The following DPY19L3 variants were observed in gnomAD, a reference collection of about 807,000 sequenced individuals.
The protein encoded by DPY19L3 is dpy-19 like C-mannosyltransferase 3.
DPY19L3 carries 51 observed loss-of-function variants against 92.3 expected under a neutral mutation model. That is an observed-to-expected ratio of 0.55 (90% confidence interval 0.44 to 0.70). The LOEUF (loss-of-function observed/expected upper bound fraction) is 0.70. DPY19L3 is among the 30% of genes least tolerant of loss of function. DPY19L3 has a pLI of 0.00. For synonymous variants in DPY19L3, 309 were observed against 315.2 expected, an observed-to-expected ratio of 0.98 and a Z score of 0.21; for missense variants, 706 against 855.9, an observed-to-expected ratio of 0.82 and a Z score of 2.18.
At chr19:32,415,867 G>A (rs1190960501) in intron 3 of DPY19L3, among the ~76,000 whole-genome samples, 1 of 152,164 alleles carries the variant, frequency 6.6e-6, no homozygotes, top group African/African-American at 2.4e-5. Context: ...AAAGTCACAC[G>A]GGATGATGAG....
chr19:32,437,506 A>C (rs1458343745), intron 6 of DPY19L3, among the ~76,000 whole-genome samples, 167 bp downstream of exon 6: 1 of 152,116 alleles, frequency 6.6e-6, no homozygotes, highest in Non-Finnish European at 1.5e-5. Flanking sequence ...AGTTAGGGAG[A>C]AAGTGCTACT....
chr19:32,452,552 T>C (rs990725270), intron 8 of DPY19L3, among the ~76,000 whole-genome samples: 6 of 152,256 alleles, frequency 3.9e-5, no homozygotes. Flanking sequence ...CCTTGCCAAT[T>C]CCCAGGAATA....
intron 16 of DPY19L3, among the ~76,000 whole-genome samples, chr19:32,470,279 C>T (rs185217626): frequency 1.3e-5 from 2 of 152,284 alleles, no homozygotes; most frequent in Non-Finnish European, 2.9e-5. Flanking sequence ...GAGAGTTATT[C>T]GTGTAAAGGA....
intron 3 of DPY19L3, among the ~76,000 whole-genome samples, chr19:32,423,111 A>G (rs1968629395): frequency 6.6e-6 from 1 of 152,238 alleles, no homozygotes; most frequent in African/African-American, 2.4e-5. Flanking sequence ...ACAATGACAG[A>G]AAGATGCTCA....
chr19:32,457,360 A>G (rs1969898735), intron 10 of DPY19L3, among the ~76,000 whole-genome samples: 1 of 152,216 alleles, frequency 6.6e-6, no homozygotes, highest in African/African-American at 2.4e-5. Flanking sequence ...CGTGAGTAAC[A>G]TAAATATGTT....
chr19:32,459,349 CTT>C (rs1335082700), intron 12 of DPY19L3, among the ~76,000 whole-genome samples: 18 of 152,064 alleles, frequency 1.2e-4, no homozygotes, highest in Admixed American at 1.2e-3. Context: ...CGAGGAAGCC[CTT>C]TTTCTGTAGT....
At chr19:32,423,577 A>G (rs1968653235) in intron 3 of DPY19L3, among the ~76,000 whole-genome samples, 1 of 151,904 alleles carries the variant, frequency 6.6e-6, no homozygotes. Context: ...TTACTTTTAA[A>G]TGGCAAAAAC....
intron 8 of DPY19L3, among the ~76,000 whole-genome samples, chr19:32,449,985 G>A (rs147171382): frequency 1.8e-4 from 27 of 150,830 alleles, no homozygotes; most frequent in African/African-American, 5.9e-4. Context: ...CCCATAGAAC[G>A]AGAGAGAATA....
At chr19:32,424,821 T>C (rs1968702965) in intron 3 of DPY19L3, among the ~76,000 whole-genome samples, 1 of 152,228 alleles carries the variant, frequency 6.6e-6, no homozygotes, top group Non-Finnish European at 1.5e-5. Context: ...TCAAACTTTC[T>C]GACTTCAAAA....
intron 15 of DPY19L3, chr19:32,467,846 G>C (rs1404240487): frequency 2.0e-6 from 2 of 982,294 alleles, no homozygotes; most frequent in African/African-American, 3.5e-5. Context: ...ATGGACTTAA[G>C]ATATTAGATA....
chr19:32,439,724 G>C, intron 7 of DPY19L3, 52 bp from the exon 8 acceptor site: 4 of 1,579,236 alleles, frequency 2.5e-6, no homozygotes, highest in Non-Finnish European at 3.4e-6. Flanking sequence ...TTGTCTGCAA[G>C]GTTTTTTATT....
chr19:32,443,113 G>A (rs774932868), intron 8 of DPY19L3, among the ~76,000 whole-genome samples: 5 of 152,048 alleles, frequency 3.3e-5, no homozygotes, highest in African/African-American at 7.2e-5. Context: ...CCATGCTGTC[G>A]GTGCAGGCCA....
At chr19:32,423,587 C>A (rs1011983048) in intron 3 of DPY19L3, among the ~76,000 whole-genome samples, 4 of 151,740 alleles carry the variant, frequency 2.6e-5, no homozygotes, top group African/African-American at 4.8e-5. Context: ...ATGGCAAAAA[C>A]CACAATTACT....
At chr19:32,454,834 T>A in intron 9 of DPY19L3, 105 bp from the exon 10 acceptor site, 1 of 690,258 alleles carries the variant, frequency 1.4e-6, no homozygotes, top group East Asian at 2.9e-5. Context: ...TTTCCCTTTA[T>A]GTTATATGAG....
intron 16 of DPY19L3, among the ~76,000 whole-genome samples, chr19:32,474,845 G>A (rs1313330640): frequency 1.3e-5 from 2 of 152,030 alleles, no homozygotes; most frequent in African/African-American, 2.4e-5. Context: ...CCACCTGGCC[G>A]TCCAAAGTGC....
chr19:32,427,367 G>A (rs1354366242), intron 3 of DPY19L3, among the ~76,000 whole-genome samples: 1 of 152,116 alleles, frequency 6.6e-6, no homozygotes. Flanking sequence ...TGTTTCCCCA[G>A]CAAATAAATA....
chr19:32,435,416 A>G (rs1969106900), intron 4 of DPY19L3, among the ~76,000 whole-genome samples: 1 of 152,222 alleles, frequency 6.6e-6, no homozygotes, highest in African/African-American at 2.4e-5. Context: ...ATGGTGCTGC[A>G]TGAGTGACCT....
At chr19:32,407,689 C>T (rs1968022122) in intron 1 of DPY19L3, among the ~76,000 whole-genome samples, 1 of 152,198 alleles carries the variant, frequency 6.6e-6, no homozygotes, top group Non-Finnish European at 1.5e-5. Flanking sequence ...TGACTCCTGG[C>T]AGGGCCTGCT....
chr19:32,435,766 CCATT>C, intron 4 of DPY19L3, among the ~76,000 whole-genome samples: 1 of 152,326 alleles, frequency 6.6e-6, no homozygotes, highest in South Asian at 2.1e-4. Context: ...TGTGAACTAT[CCATT>C]CATGCCTTGG....
Sources: gnomAD v4.1 joint callset for allele counts (sites outside exome capture counted in the v4.1 genomes callset) on GRCh38, gnomAD v4.1.1 for gene constraint, MANE v1.5 for transcripts, NCBI Gene and HGNC (gene_info 2026-07-23, HGNC 2026-07-21) for gene names.